Variants in ZFHX3 observed in about 807,000 individuals in gnomAD.
ZFHX3 encodes zinc finger homeobox 3.
ZFHX3 carries 42 observed loss-of-function variants against 279.1 expected under a neutral mutation model. The observed-to-expected ratio is 0.15, with a 90% CI of 0.12 to 0.19. ZFHX3 has a LOEUF of 0.19. ZFHX3 is among the 10% of genes least tolerant of loss of function. The probability of loss-of-function intolerance (pLI) is 1.00; values close to 1 mark genes in which losing one functional copy is unlikely to be tolerated. For synonymous variants in ZFHX3, 2,293 were observed against 1,957.8 expected (o/e 1.17, Z -4.52); for missense variants, 4,981 against 4,754.0 (o/e 1.05, Z -1.40).
chr16:73,491,508 T>G (rs992637931), intron 2 of ZFHX3, among the ~76,000 whole-genome samples: 39 of 152,226 alleles, frequency 2.6e-4, no homozygotes, highest in African/African-American at 9.2e-4. Flanking sequence ...ATGTGACTTG[T>G]GCTAAACCAT....
intron 2 of ZFHX3, among the ~76,000 whole-genome samples, chr16:73,622,251 G>C (rs535791025): frequency 6.6e-6 from 1 of 152,284 alleles, no homozygotes; most frequent in South Asian, 2.1e-4. Context: ...AGAATTTGGA[G>C]AGTTCTCTGT....
At chr16:73,223,232 A>G (rs1253839897) in intron 5 of ZFHX3, among the ~76,000 whole-genome samples, 1 of 152,184 alleles carries the variant, frequency 6.6e-6, no homozygotes, top group Non-Finnish European at 1.5e-5. Context: ...GATTTCATAA[A>G]AATTAAAATT....
rs536242956 is a variant in ZFHX3 at position 73,644,121 on chromosome 16, T to C, written c.-1547+36059A>G. ...CTATTTCTCTTTTTCTGCTTGGTCT[T>C]TGACCTAGGTGGTTCTGGAATTCTG... On this transcript the variant is annotated intron_variant, in intron 2 of 17. Transcript: ENST00000641206. 2.0e-4 allele frequency among the ~76,000 whole-genome samples: 31 copies of C among 152,246 alleles called. 1 individual carries two copies. Among genetic ancestry groups the C allele is most frequent in the African/African-American group, 7.5e-4 (31 of 41,554 alleles).
chr16:73,574,449 G>T (rs1165439704), intron 2 of ZFHX3, among the ~76,000 whole-genome samples: 2 of 152,018 alleles, frequency 1.3e-5, no homozygotes, highest in South Asian at 2.1e-4. Context: ...ATTTTTATTT[G>T]CCCATCTCTG....
Position 73,511,031 on chromosome 16 carries a change from T to A in ZFHX3, c.-1546-54773A>T, listed in dbSNP as rs182572947. Among the ~76,000 whole-genome samples the A allele has an allele frequency of 1.2e-3, 186 of 152,358 alleles. 1 individual carries two copies. Among genetic ancestry groups the A allele is most frequent in the African/African-American group, 4.2e-3 (176 of 41,592 alleles). ...GATGTGCCTCATACCTCTGGCTTTG[T>A]GCCTTGTGCTTCTTTGATGTTGTCA... On this transcript the variant is annotated intron_variant, in intron 2 of 17. Coordinates refer to the ZFHX3 transcript ENST00000641206.
chr16:73,377,228 T>C (rs2016738313), intron 3 of ZFHX3, among the ~76,000 whole-genome samples: 2 of 152,098 alleles, frequency 1.3e-5, no homozygotes, highest in Non-Finnish European at 2.9e-5. Context: ...CACCTCGGCC[T>C]CCCAAAGTGC....
chr16:73,851,270 A>C (rs1446601361), intron 1 of ZFHX3, among the ~76,000 whole-genome samples: 1 of 152,170 alleles, frequency 6.6e-6, no homozygotes, highest in African/African-American at 2.4e-5. Context: ...CACATGTTCT[A>C]CCAGAGGTGC....
At chr16:73,411,820 T>C (rs1315691211) in intron 3 of ZFHX3, among the ~76,000 whole-genome samples, 1 of 152,198 alleles carries the variant, frequency 6.6e-6, no homozygotes, top group East Asian at 1.9e-4. Context: ...CTTACTCCTG[T>C]TGTGTTTCAT....
chr16:73,417,805 TATAAAAA>T (rs1214260811), intron 3 of ZFHX3, among the ~76,000 whole-genome samples: 2 of 150,606 alleles, frequency 1.3e-5, no homozygotes, highest in Admixed American at 6.6e-5. Flanking sequence ...ACCCCGTCTC[TATAAAAA>T]ATAAAAAATA....
At chr16:73,707,786 C>T (rs1035961935) in intron 1 of ZFHX3, among the ~76,000 whole-genome samples, 3 of 151,188 alleles carry the variant, frequency 2.0e-5, no homozygotes, top group African/African-American at 4.9e-5. Context: ...AAACTACATG[C>T]CATTTAAAGT....
chr16:73,537,272 T>G (rs1458167932), intron 2 of ZFHX3, among the ~76,000 whole-genome samples: 1 of 151,876 alleles, frequency 6.6e-6, no homozygotes, highest in East Asian at 1.9e-4. Context: ...TTTTCTTGTG[T>G]TCTGATTCCG....
intron 3 of ZFHX3, among the ~76,000 whole-genome samples, chr16:73,354,855 A>T (rs530854190): frequency 6.6e-6 from 1 of 152,344 alleles, no homozygotes; most frequent in South Asian, 2.1e-4. Flanking sequence ...TTGCCTGGTG[A>T]ATCGGTCTTC....
intron 1 of ZFHX3, among the ~76,000 whole-genome samples, chr16:73,773,943 A>AC (rs1347765763): frequency 6.6e-6 from 1 of 152,000 alleles, no homozygotes. Flanking sequence ...CTCCAGACTA[A>AC]CCTGGGCAAC....
chr16:73,872,966 T>C (rs1321163993), intron 1 of ZFHX3, among the ~76,000 whole-genome samples: 1 of 1,254 alleles, frequency 8.0e-4, no homozygotes, highest in African/African-American at 5.6e-3. Context: ...TGGGTGGTGG[T>C]GGGTGGTGGA....
chr16:73,369,854 C>G (rs1405601866), intron 3 of ZFHX3, among the ~76,000 whole-genome samples: 1 of 80,816 alleles, frequency 1.2e-5, no homozygotes, highest in Non-Finnish European at 3.3e-5. Flanking sequence ...CTCTCTCTCT[C>G]TCTCTGTCTC....
At chr16:72,822,027 A>T (rs1429016089) in intron 5 of ZFHX3, 6 of 152,216 alleles carry the variant, frequency 3.9e-5, no homozygotes, top group African/African-American at 1.2e-4. Flanking sequence ...AGACACCTTA[A>T]ATTTGTCTTT....
chr16:73,423,241 A>AT (rs967220885), intron 3 of ZFHX3, among the ~76,000 whole-genome samples: 11 of 151,208 alleles, frequency 7.3e-5, no homozygotes, highest in Non-Finnish European at 1.3e-4. Context: ...TAGGGAAAAA[A>AT]AAATCAGAAT....
intron 3 of ZFHX3, among the ~76,000 whole-genome samples, chr16:73,378,456 A>G (rs2016763068): frequency 6.6e-6 from 1 of 152,186 alleles, no homozygotes; most frequent in African/African-American, 2.4e-5. Flanking sequence ...CAGGTATGAC[A>G]CTGTGAAATT....
intron 2 of ZFHX3, among the ~76,000 whole-genome samples, chr16:73,532,566 A>G (rs949761484): frequency 6.6e-6 from 1 of 152,218 alleles, no homozygotes; most frequent in African/African-American, 2.4e-5. Context: ...TCTCTGGTAC[A>G]TAAGAGGAGG....
Sources: allele counts gnomAD v4.1 joint callset (sites outside exome capture counted in the v4.1 genomes callset), GRCh38; gene constraint gnomAD v4.1.1; transcripts MANE v1.5; gene names NCBI Gene and HGNC (gene_info 2026-07-23, HGNC 2026-07-21).